The following HDAC8 variants were observed in gnomAD, a reference collection of about 807,000 sequenced individuals.
HDAC8 encodes the protein histone deacetylase-like 1.
A neutral mutation model predicts 32.2 loss-of-function variants in HDAC8; 1 was observed. The ratio of observed to expected loss-of-function variants is 0.03; its 90% CI spans 0.01 to 0.15. The LOEUF is 0.15. Among genes scored for constraint, HDAC8 ranks in the 10% least tolerant of loss-of-function variants. The pLI is 1.00. For synonymous variants in HDAC8, 108 were observed against 113.9 expected, an observed-to-expected ratio of 0.95 and a Z score of 0.33; for missense variants, 117 against 300.0, an observed-to-expected ratio of 0.39 and a Z score of 4.51.
intron 9 of HDAC8, among the ~76,000 whole-genome samples, chrX:72,384,797 G>C (rs782529388): frequency 6.2e-5 from 7 of 112,423 alleles, no homozygotes; most frequent in African/African-American, 1.6e-4. Context: ...TCCCTTACCA[G>C]TGTTTTTGTA....
intron 9 of HDAC8, among the ~76,000 whole-genome samples, chrX:72,417,691 A>G (rs2046383147): frequency 8.9e-6 from 1 of 111,945 alleles, no homozygotes; most frequent in African/African-American, 3.2e-5. Context: ...TGCCAATGTC[A>G]TTTTTCACAA....
chrX:72,398,844 T>C (rs1555966432), intron 9 of HDAC8, among the ~76,000 whole-genome samples: 1 of 109,156 alleles, frequency 9.2e-6, no homozygotes, highest in Non-Finnish European at 1.9e-5. Context: ...CGGTACTTTA[T>C]GTTTTTTTTT....
chrX:72,441,444 T>C (rs1189936383), intron 9 of HDAC8, among the ~76,000 whole-genome samples: 6 of 112,230 alleles, frequency 5.3e-5, no homozygotes, highest in Admixed American at 9.4e-5. Flanking sequence ...AGTGGACCTC[T>C]AGCAAACTCC....
chrX:72,480,450 A>G, intron 7 of HDAC8: 1 of 328,912 alleles, frequency 3.0e-6, no homozygotes, highest in South Asian at 2.6e-5. Context: ...ATGCTTTTAC[A>G]CTGTTGGTGG....
At chrX:72,438,578 G>A (rs1555980291) in intron 9 of HDAC8, among the ~76,000 whole-genome samples, 1 of 111,210 alleles carries the variant, frequency 9.0e-6, no homozygotes, top group Non-Finnish European at 1.9e-5. Context: ...ACAGGTTAGA[G>A]GAATTGCTAA....
chrX:72,476,186 C>T (rs918298847), intron 7 of HDAC8, among the ~76,000 whole-genome samples: 5 of 110,894 alleles, frequency 4.5e-5, no homozygotes, highest in Admixed American at 3.9e-4. Flanking sequence ...TGAAGTGAAT[C>T]GTCAGAGCTA....
chrX:72,493,468 G>T (rs989006403), intron 5 of HDAC8, among the ~76,000 whole-genome samples: 4 of 111,226 alleles, frequency 3.6e-5, no homozygotes, highest in Non-Finnish European at 3.8e-5. Flanking sequence ...CCAGCAATCT[G>T]CATTTTAAAA....
chrX:72,394,146 A>G (rs1386010475), intron 9 of HDAC8, among the ~76,000 whole-genome samples: 3 of 111,994 alleles, frequency 2.7e-5, no homozygotes, highest in Admixed American at 9.4e-5. Context: ...TTTTACTTCA[A>G]TGCAGAAATA....
intron 9 of HDAC8, among the ~76,000 whole-genome samples, chrX:72,418,697 G>A (rs1337682189): frequency 9.0e-6 from 1 of 111,559 alleles, no homozygotes; most frequent in Non-Finnish European, 1.9e-5. Flanking sequence ...ATACTCAAAG[G>A]AATAGAAATC....
chrX:72,457,503 A>G (rs2047751647), intron 9 of HDAC8, among the ~76,000 whole-genome samples: 2 of 112,923 alleles, frequency 1.8e-5, no homozygotes, highest in East Asian at 5.5e-4. Flanking sequence ...TAAATTTAGC[A>G]AGGTTACATT....
At chrX:72,480,351 G>A in intron 7 of HDAC8, 1 of 329,311 alleles carries the variant, frequency 3.0e-6, no homozygotes, top group Non-Finnish European at 5.9e-6. Context: ...TTCTTAGATT[G>A]TAATGAAATG....
At chrX:72,534,532 T>C (rs12690303) in intron 4 of HDAC8, among the ~76,000 whole-genome samples, 25,569 of 109,579 alleles carry the variant, frequency 0.23, 5,313 homozygotes, top group East Asian at 0.67. Context: ...TGGTCTTGAA[T>C]TCCTGACCGC....
chrX:72,402,867 C>G (rs1214236455), intron 9 of HDAC8, among the ~76,000 whole-genome samples: 1 of 111,473 alleles, frequency 9.0e-6, no homozygotes, highest in African/African-American at 3.3e-5. Context: ...TTATATCTTT[C>G]TGACAGATTG....
At chrX:72,484,859 G>A (rs1415516481) in intron 7 of HDAC8, among the ~76,000 whole-genome samples, 3 of 112,053 alleles carry the variant, frequency 2.7e-5, no homozygotes, top group Non-Finnish European at 5.6e-5. Context: ...TGTCAACACA[G>A]AGTTTTAGGT....
Position 72,490,939 on chromosome X carries a change from T to A in HDAC8, c.618A>T (p.Gly206=), listed in dbSNP as rs782165349. The change falls in exon 6 of 11, where the codon GGA becomes GGT. Residue 206 remains glycine, a synonymous_variant. Transcript: ENST00000373573. ...TTTATGATCACTTGCCTGGGAAAAA[T>A]CCTGGGGAGAATTTGTGCAGGGACA... ...MTVSLHKFSP[G]FFPGTGDVSD... 8.3e-7 allele frequency: 1 copy of A among 1,200,620 alleles called. No individual in the cohort carries two copies. Among genetic ancestry groups the A allele is most frequent in the Non-Finnish European group, 1.1e-6 (1 of 887,529 alleles).
intron 9 of HDAC8, among the ~76,000 whole-genome samples, chrX:72,381,392 A>C (rs782335461): frequency 9.0e-6 from 1 of 111,525 alleles, no homozygotes; most frequent in Non-Finnish European, 1.9e-5. Flanking sequence ...GTTGAAGAGG[A>C]CATGGTCTCT....
chrX:72,514,741 G>A (rs189899621), intron 4 of HDAC8, among the ~76,000 whole-genome samples: 1 of 111,474 alleles, frequency 9.0e-6, no homozygotes. Context: ...AGAGAGGTTA[G>A]AACAGATGAC....
At chrX:72,375,568 G>A (rs1220257386) in intron 9 of HDAC8, among the ~76,000 whole-genome samples, 2 of 109,734 alleles carry the variant, frequency 1.8e-5, no homozygotes, top group African/African-American at 3.3e-5. Flanking sequence ...ATTGAGAGAC[G>A]GGAGGGGAGG....
intron 4 of HDAC8, among the ~76,000 whole-genome samples, chrX:72,513,171 A>G (rs1364877935): frequency 6.3e-5 from 7 of 111,605 alleles, no homozygotes; most frequent in African/African-American, 2.3e-4. Context: ...TCAAACCTCT[A>G]CCATAGTACT....
Sources: gnomAD v4.1 joint callset for allele counts (sites outside exome capture counted in the v4.1 genomes callset) on GRCh38, gnomAD v4.1.1 for gene constraint, MANE v1.5 for transcripts, NCBI Gene and HGNC (gene_info 2026-07-23, HGNC 2026-07-21) for gene names.